Variants in JPH3 observed in about 807,000 individuals in gnomAD.
JPH3 encodes junctophilin-3.
JPH3 carries 11 observed loss-of-function variants against 59.6 expected under a neutral mutation model. The ratio of observed to expected loss-of-function variants is 0.18; its 90% confidence interval spans 0.12 to 0.31. The LOEUF (loss-of-function observed/expected upper bound fraction) is 0.31. JPH3 is among the 10% of genes least tolerant of loss of function. The probability of loss-of-function intolerance (pLI) is 1.00; values close to 1 mark genes in which losing one functional copy is unlikely to be tolerated. For synonymous variants in JPH3, 673 were observed against 483.6 expected (o/e 1.39, Z -5.14); for missense variants, 1,202 against 1,105.7 (o/e 1.09, Z -1.24).
Position 87,690,238 on chromosome 16 carries a change from G to A in JPH3, c.1878G>A (p.Gln626=). The change falls in exon 4 of 5, where the codon CAG becomes CAA. Residue 626 remains glutamine (Q), a synonymous_variant. Transcript: ENST00000284262. ...KPLLRMETHP[Q]KRRYSKGGAC... is the part of the protein sequence containing the mutation. ...TGCTGAGGATGGAGACGCATCCCCAGAAAAGACGCTACAGCAAGGGCGGCG... is the reference window on the plus strand; with the variant it reads ...TGCTGAGGATGGAGACGCATCCCCAAAAAAGACGCTACAGCAAGGGCGGCG... The A allele has an allele frequency of 1.2e-6, 2 of 1,605,108 alleles. No individual in the cohort carries two copies. The highest frequency in any genetic ancestry group is 1.7e-6 in the Non-Finnish European group (2 of 1,176,390).
At chr16:87,642,250 G>A (rs554453163) in intron 1 of JPH3, among the ~76,000 whole-genome samples, 3 of 151,884 alleles carry the variant, frequency 2.0e-5, no homozygotes, top group East Asian at 3.9e-4. Flanking sequence ...AGGGAAAGGG[G>A]GGGGGCAGTG....
intron 1 of JPH3, among the ~76,000 whole-genome samples, chr16:87,609,894 C>G (rs2030669113): frequency 6.6e-6 from 1 of 152,164 alleles, no homozygotes; most frequent in South Asian, 2.1e-4. Context: ...TTATTGTGTG[C>G]TTTATTTCTA....
chr16:87,636,368 T>A lies in JPH3; in HGVS notation c.383-7890T>A, dbSNP rs147856878. Among the ~76,000 whole-genome samples the A allele has an allele frequency of 6.0e-3, 909 of 152,298 alleles. 8 individuals carry two copies. The highest frequency in any genetic ancestry group is 0.019 in the African/African-American group (781 of 41,590). On this transcript the variant is annotated intron_variant, in intron 1 of 4. Transcript: ENST00000284262. The stretch of plus-strand genomic sequence containing the variant: ...GAGCCCAGACTTTTTGTTTACTTAA[T>A]CAAGCATAAATGCAAAGGGCTGGGG...
chr16:87,635,531 A>G (rs909911698), intron 1 of JPH3, among the ~76,000 whole-genome samples: 2 of 152,164 alleles, frequency 1.3e-5, no homozygotes, highest in African/African-American at 4.8e-5. Flanking sequence ...CAAGCAGGCC[A>G]GGCGCTGAGT....
intron 2 of JPH3, among the ~76,000 whole-genome samples, chr16:87,679,258 A>C (rs1357478193): frequency 6.6e-6 from 1 of 150,682 alleles, no homozygotes; most frequent in Non-Finnish European, 1.5e-5. Context: ...TTTCTTTAAA[A>C]ATTTTTTAAA....
intron 1 of JPH3, among the ~76,000 whole-genome samples, chr16:87,626,410 C>G (rs753264946): frequency 6.6e-6 from 1 of 152,244 alleles, no homozygotes; most frequent in Non-Finnish European, 1.5e-5. Flanking sequence ...GACTGGGGCT[C>G]TCCTCCCAGC....
intron 1 of JPH3, among the ~76,000 whole-genome samples, chr16:87,642,880 T>G (rs747896510): frequency 2.0e-5 from 3 of 152,234 alleles, no homozygotes; most frequent in Non-Finnish European, 2.9e-5. Flanking sequence ...GTTTCCTTTT[T>G]ATTTTATTGT....
At chr16:87,603,892 C>A (rs1319128888) in intron 1 of JPH3, among the ~76,000 whole-genome samples, 1 of 152,252 alleles carries the variant, frequency 6.6e-6, no homozygotes, top group Non-Finnish European at 1.5e-5. Flanking sequence ...AGAAGGGCCC[C>A]TCCCCTTGTT....
intron 1 of JPH3, among the ~76,000 whole-genome samples, chr16:87,623,698 C>A (rs2150830693): frequency 6.6e-6 from 1 of 152,310 alleles, no homozygotes; most frequent in South Asian, 2.1e-4. Context: ...TCTGAGGCCC[C>A]ATCTCTGAGT....
chr16:87,684,105 C>T (rs752694), intron 2 of JPH3, 37 bp from the exon 3 acceptor site: 147,214 of 1,553,654 alleles, frequency 0.095, 8,300 homozygotes, highest in Admixed American at 0.22. Context: ...CACCTGTGCC[C>T]CCTGCCCCCC....
At chr16:87,628,779 T>A (rs2031467291) in intron 1 of JPH3, among the ~76,000 whole-genome samples, 1 of 151,906 alleles carries the variant, frequency 6.6e-6, no homozygotes, top group Non-Finnish European at 1.5e-5. Context: ...GGGAGAGCTT[T>A]GCCGTCCTGG....
At chr16:87,682,831 GGCAGGCCCCCCCGGGGGCCA>G (rs1299741503) in intron 2 of JPH3, among the ~76,000 whole-genome samples, 1 of 152,320 alleles carries the variant, frequency 6.6e-6, no homozygotes, top group African/African-American at 2.4e-5. Flanking sequence ...CATGGCCACT[GGCAGGCCCCCCCGGGGGCCA>G]GCACACCAGG....
In JPH3 at chr16:87,692,212, C is replaced by T. The variant is rs533995893; in HGVS notation, c.2166+1686C>T. Among the ~76,000 whole-genome samples the T allele has an allele frequency of 8.0e-4, 103 of 129,328 alleles. 1 individual carries two copies. Among genetic ancestry groups the T allele is most frequent in the African/African-American group, 1.2e-3 (46 of 39,878 alleles). 84.8% of individuals were successfully genotyped at this position (129,328 alleles called of 152,430 possible). ...CAAACAAGGTTTCCCTCCCTGTCTC[C>T]CTCCCCGTCTCCCTCCCCACAGCTT... On this transcript the variant is annotated intron_variant, in intron 4 of 4. Coordinates refer to ENST00000284262, the MANE Select transcript of JPH3 (RefSeq NM_020655.4).
chr16:87,619,800 G>A (rs1396855671), intron 1 of JPH3, among the ~76,000 whole-genome samples: 2 of 152,188 alleles, frequency 1.3e-5, no homozygotes, highest in African/African-American at 4.8e-5. Flanking sequence ...TGGGGGAATA[G>A]GACCCGTCAG....
Position 87,660,082 on chromosome 16 carries a change from C to T in JPH3, c.1160+15047C>T, listed in dbSNP as rs1378344416. Among the ~76,000 whole-genome samples, 5 of 152,112 alleles carry T rather than the reference C, an allele frequency of 3.3e-5. No homozygotes were observed. The East Asian group carries it at 5.8e-4, about 18-fold the overall frequency. ...CCACCTGGAAACCCTGGGAAAGCAG[C>T]GTCACCTCCCTGTGCCTCAGTTTCC... On this transcript the variant is annotated intron_variant, in intron 2 of 4. Transcript: ENST00000284262.
chr16:87,697,792 T>C lies in JPH3; in HGVS notation c.*1132T>C, dbSNP rs889045650. On this transcript the variant is annotated 3_prime_UTR_variant, in exon 5 of 5. Transcript: ENST00000284262. ...CCCCTAAAATGTACAATGTAACTTG[T>C]TCAGTCCAACAAAAACAGGTTCCTT... The C allele has an allele frequency of 6.6e-6, 1 of 152,246 alleles. No homozygotes were observed. Among genetic ancestry groups the C allele is most frequent in the Middle Eastern group, 3.2e-3 (1 of 316 alleles). The allele number at this position is 152,246 out of a possible 1,614,324, so 9.4% of individuals were successfully genotyped here.
chr16:87,691,217 C>A (rs1359134197), intron 4 of JPH3, among the ~76,000 whole-genome samples: 1 of 148,716 alleles, frequency 6.7e-6, no homozygotes, highest in Non-Finnish European at 1.5e-5. Flanking sequence ...GTCCTGGTGC[C>A]TCACACAGGG....
At chr16:87,656,518 C>G (rs1597267491) in intron 2 of JPH3, among the ~76,000 whole-genome samples, 1 of 152,194 alleles carries the variant, frequency 6.6e-6, no homozygotes, top group African/African-American at 2.4e-5. Flanking sequence ...GGTGAAGGAA[C>G]TCGGCTCAGG....
At chr16:87,618,227 CAG>C (rs2031045002) in intron 1 of JPH3, among the ~76,000 whole-genome samples, 1 of 151,822 alleles carries the variant, frequency 6.6e-6, no homozygotes, top group African/African-American at 2.4e-5. Context: ...TTAAAGAAAA[CAG>C]AAAGTGGGAG....
Sources: gnomAD v4.1 joint callset for allele counts (sites outside exome capture counted in the v4.1 genomes callset) on GRCh38, gnomAD v4.1.1 for gene constraint, MANE v1.5 for transcripts, NCBI Gene and HGNC (gene_info 2026-07-23, HGNC 2026-07-21) for gene names.